The following MAST4 variants were observed in gnomAD, a reference collection of about 807,000 sequenced individuals.
The protein encoded by MAST4 is microtubule-associated serine/threonine-protein kinase 4.
In MAST4, 89 loss-of-function variants were observed where a neutral mutation model predicts 162.7. That is an observed-to-expected ratio of 0.55 (90% confidence interval 0.46 to 0.65). The LOEUF (loss-of-function observed/expected upper bound fraction) is 0.65. Ranked by LOEUF, MAST4 falls within the 30% of genes least tolerant of loss-of-function variation. The probability of loss-of-function intolerance (pLI) is 0.00; values close to 1 mark genes in which losing one functional copy is unlikely to be tolerated. For missense variants in MAST4, 3,153 were observed against 3,374.0 expected (o/e 0.93, Z 1.62); for synonymous variants, 1,479 against 1,361.1 (o/e 1.09, Z -1.91).
chr5:66,785,462 G>C (rs1311527987), intron 2 of MAST4, among the ~76,000 whole-genome samples: 2 of 152,164 alleles, frequency 1.3e-5, no homozygotes, highest in East Asian at 3.9e-4. Context: ...TGGGGCTTTC[G>C]AGTCAGAATC....
intron 3 of MAST4, among the ~76,000 whole-genome samples, chr5:66,814,223 C>A (rs150620880): frequency 6.6e-6 from 1 of 152,306 alleles, no homozygotes; most frequent in African/African-American, 2.4e-5. Flanking sequence ...TGTTTATGAT[C>A]AACATGTACT....
At chr5:66,785,932 A>T (rs1159403364) in intron 2 of MAST4, among the ~76,000 whole-genome samples, 2 of 152,206 alleles carry the variant, frequency 1.3e-5, no homozygotes, top group Non-Finnish European at 2.9e-5. Context: ...GCAGTGGTAC[A>T]ATCTTGGCTC....
chr5:67,091,701 G>A (rs1045200510), intron 6 of MAST4, among the ~76,000 whole-genome samples: 18 of 151,976 alleles, frequency 1.2e-4, no homozygotes, highest in East Asian at 1.9e-4. Context: ...CAGAAATCAC[G>A]GTATCTTAAT....
chr5:67,149,376 C>A lies in MAST4; in HGVS notation c.3095-13C>A, dbSNP rs770423538. On this transcript the variant is annotated splice_polypyrimidine_tract_variant and intron_variant, in intron 23 of 28. Transcript: ENST00000403625. ...ATTTTCCTGAATGTGTTTATCCCTTCTTCTTTGTACAGTTGGCAGTTTTTC... is the reference window on the plus strand; with the variant it reads ...ATTTTCCTGAATGTGTTTATCCCTTATTCTTTGTACAGTTGGCAGTTTTTC... 2.6e-5 allele frequency: 42 copies of A among 1,608,074 alleles called. No individual in the cohort carries two copies. Among genetic ancestry groups the A allele is most frequent in the Non-Finnish European group, 3.6e-5 (42 of 1,177,234 alleles).
intron 3 of MAST4, among the ~76,000 whole-genome samples, chr5:66,830,910 G>A (rs1182533326): frequency 6.6e-6 from 1 of 152,180 alleles, no homozygotes; most frequent in Admixed American, 6.5e-5. Flanking sequence ...ACCTGTGTTA[G>A]TAAAGCTAGG....
At chr5:67,109,498 A>G (rs1186468380) in intron 10 of MAST4, among the ~76,000 whole-genome samples, 1 of 152,220 alleles carries the variant, frequency 6.6e-6, no homozygotes, top group Non-Finnish European at 1.5e-5. Context: ...AAATTTGAAA[A>G]AAAATCCAAA....
intron 4 of MAST4, among the ~76,000 whole-genome samples, chr5:67,048,097 A>C (rs1318422019): frequency 6.6e-6 from 1 of 152,218 alleles, no homozygotes; most frequent in East Asian, 1.9e-4. Context: ...TATTTGCTTT[A>C]TGTTGCATGA....
chr5:67,060,232 G>C (rs1759389795), intron 5 of MAST4, among the ~76,000 whole-genome samples: 1 of 152,084 alleles, frequency 6.6e-6, no homozygotes, highest in South Asian at 2.1e-4. Context: ...AGCTATATCA[G>C]TTCCACTCCC....
At chr5:66,784,370 A>G (rs1755014436) in intron 2 of MAST4, among the ~76,000 whole-genome samples, 1 of 152,074 alleles carries the variant, frequency 6.6e-6, no homozygotes, top group African/African-American at 2.4e-5. Context: ...AGCTTTATCA[A>G]AGCTTAATAT....
At position 66,673,954 on chromosome 5, in the gene MAST4, T is replaced by A. The variant is rs567539901; in HGVS notation, c.363+76936T>A. Reference sequence around the variant, plus strand: ...TGTATTTTTATGTTAGTTAAAAATTTAAAAACAGCATTATATAATGTAAGG... The same window carrying A: ...TGTATTTTTATGTTAGTTAAAAATTAAAAAACAGCATTATATAATGTAAGG... On this transcript the variant is annotated intron_variant, in intron 1 of 28. Transcript: ENST00000403625. Among the ~76,000 whole-genome samples the A allele has an allele frequency of 4.6e-5, 7 of 152,332 alleles. No homozygotes were observed. The East Asian group carries it at 1.3e-3, about 29-fold the overall frequency.
chr5:66,882,084 C>T (rs1761726135), intron 3 of MAST4, among the ~76,000 whole-genome samples: 1 of 152,176 alleles, frequency 6.6e-6, no homozygotes, highest in African/African-American at 2.4e-5. Context: ...CCTGTTTTAA[C>T]ATTTTTCAGG....
chr5:66,696,368 A>G (rs1482273363), intron 1 of MAST4, among the ~76,000 whole-genome samples: 2 of 152,054 alleles, frequency 1.3e-5, no homozygotes, highest in Non-Finnish European at 2.9e-5. Flanking sequence ...AAAAAAAAAA[A>G]AATCTGTACT....
At chr5:66,651,294 C>T (rs544009097) in intron 1 of MAST4, among the ~76,000 whole-genome samples, 1 of 152,026 alleles carries the variant, frequency 6.6e-6, no homozygotes, top group South Asian at 2.1e-4. Flanking sequence ...GAGGCTTTCT[C>T]AGGAATTATA....
At chr5:66,853,445 G>T (rs1759458102) in intron 3 of MAST4, among the ~76,000 whole-genome samples, 1 of 152,166 alleles carries the variant, frequency 6.6e-6, no homozygotes, top group Admixed American at 6.5e-5. Flanking sequence ...AGTGTTTCAT[G>T]AATAAGTGAG....
rs1449854008 is a variant in MAST4, at chr5:67,164,940, A to G, written c.5761A>G (p.Arg1921Gly). The G allele has an allele frequency of 1.9e-6, 3 of 1,613,902 alleles. No homozygotes were observed. The highest frequency in any genetic ancestry group is 2.5e-6 in the Non-Finnish European group (3 of 1,179,872). ...GTVMESNPQQ[R>G]EGSSPKHQDH... is the part of the protein sequence containing the mutation. ...AGTCATGGAAAGCAATCCCCAACAG[A>G]GAGAGGGCAGCTCCCCTAAACACCA... Residue 1921 changes from arginine (R) to glycine (G), a missense_variant, in exon 29 of 29, where the codon AGA (arginine) becomes GGA (glycine). Coordinates refer to ENST00000403625, the MANE Select transcript of MAST4 (RefSeq NM_001164664.2). The surrounding 1 kb of genome is among the most constrained non-coding windows in gnomAD (Gnocchi z 5.3).
chr5:66,604,347 C>T (rs1742740311), intron 1 of MAST4, among the ~76,000 whole-genome samples: 1 of 152,096 alleles, frequency 6.6e-6, no homozygotes, highest in Non-Finnish European at 1.5e-5. Flanking sequence ...CAGACACAGT[C>T]GATATAATTT....
At chr5:66,753,246 A>G (rs1753303151) in intron 1 of MAST4, among the ~76,000 whole-genome samples, 2 of 152,232 alleles carry the variant, frequency 1.3e-5, no homozygotes, top group South Asian at 2.1e-4. Flanking sequence ...AGAGAACTAG[A>G]AAAGCAAGAG....
At chr5:67,020,743 C>T (rs1753872375) in intron 4 of MAST4, among the ~76,000 whole-genome samples, 1 of 152,224 alleles carries the variant, frequency 6.6e-6, no homozygotes, top group Admixed American at 6.5e-5. Context: ...GTTTCCTCAT[C>T]TTTCAGTATG....
chr5:66,935,344 A>C (rs1340257988), intron 4 of MAST4, among the ~76,000 whole-genome samples: 2 of 152,232 alleles, frequency 1.3e-5, no homozygotes, highest in African/African-American at 2.4e-5. Context: ...TATTATCATT[A>C]GCTTTTTTAT....
Sources: gnomAD v4.1 joint callset for allele counts (sites outside exome capture counted in the v4.1 genomes callset) on GRCh38, gnomAD v4.1.1 for gene constraint, Gnocchi (gnomAD v3.1) non-coding constraint, MANE v1.5 for transcripts, NCBI Gene and HGNC (gene_info 2026-07-23, HGNC 2026-07-21) for gene names.